Variants in DAB1 observed in about 807,000 individuals in gnomAD.
DAB1 encodes disabled homolog 1.
Under a neutral mutation model 64.6 loss-of-function variants are expected in DAB1, and 15 were observed. That is an observed-to-expected ratio of 0.23 (90% confidence interval 0.16 to 0.36). The LOEUF (loss-of-function observed/expected upper bound fraction) is 0.36. Ranked by LOEUF, DAB1 falls within the 10% of genes least tolerant of loss-of-function variation. DAB1 has a pLI of 1.00. For missense variants in DAB1, 596 were observed against 706.7 expected (o/e 0.84, Z 1.78); for synonymous variants, 235 against 251.9 (o/e 0.93, Z 0.64).
chr1:57,744,509 T>C (rs1648168119), intron 6 of DAB1, among the ~76,000 whole-genome samples: 1 of 151,998 alleles, frequency 6.6e-6, no homozygotes, highest in South Asian at 2.1e-4. Flanking sequence ...CCTTAATATA[T>C]CGGCAAACGA....
chr1:57,964,153 T>G (rs1392602750), intron 5 of DAB1, among the ~76,000 whole-genome samples: 1 of 152,072 alleles, frequency 6.6e-6, no homozygotes, highest in Non-Finnish European at 1.5e-5. Context: ...GTGGCTCTGA[T>G]CCCCCTAGAG....
chr1:57,529,155 A>G (rs1212950963), intron 7 of DAB1, among the ~76,000 whole-genome samples: 1 of 152,072 alleles, frequency 6.6e-6, no homozygotes, highest in Non-Finnish European at 1.5e-5. Context: ...ATAAGTAACA[A>G]TTTTATTTGA....
chr1:58,437,984 T>C (rs538177632), intron 3 of DAB1, among the ~76,000 whole-genome samples: 17 of 152,300 alleles, frequency 1.1e-4, no homozygotes, highest in African/African-American at 4.1e-4. Context: ...GAGATGCCAG[T>C]GACCATGTTC....
intron 7 of DAB1, among the ~76,000 whole-genome samples, chr1:57,581,801 C>T (rs1387927108): frequency 4.6e-5 from 7 of 151,578 alleles, no homozygotes; most frequent in South Asian, 2.1e-4. Flanking sequence ...ACACATGGCT[C>T]ATTTAGGAAG....
At chr1:57,797,790 T>C (rs1208216814) in intron 6 of DAB1, among the ~76,000 whole-genome samples, 1 of 152,224 alleles carries the variant, frequency 6.6e-6, no homozygotes, top group Non-Finnish European at 1.5e-5. Flanking sequence ...CTCATCTGAA[T>C]TGGGAATAAG....
intron 2 of DAB1, among the ~76,000 whole-genome samples, chr1:57,206,423 G>A (rs949747315): frequency 3.9e-5 from 6 of 152,142 alleles, no homozygotes; most frequent in Admixed American, 1.3e-4. Context: ...TTGTAATATG[G>A]AAACAGTCTA....
chr1:58,543,424 A>T (rs181655497), intron 1 of DAB1, among the ~76,000 whole-genome samples: 102 of 152,298 alleles, frequency 6.7e-4, no homozygotes, highest in African/African-American at 2.4e-3. Context: ...ATCTCAGCCC[A>T]CATTAAATCA....
At chr1:58,529,062 G>A (rs1362792198) in intron 1 of DAB1, among the ~76,000 whole-genome samples, 1 of 152,104 alleles carries the variant, frequency 6.6e-6, no homozygotes, top group African/African-American at 2.4e-5. Context: ...TTCCTGGCGG[G>A]TCAGTGACAG....
chr1:57,065,494 T>C (rs1327315825), intron 8 of DAB1, among the ~76,000 whole-genome samples: 1 of 152,206 alleles, frequency 6.6e-6, no homozygotes. Context: ...ATTGTAACTG[T>C]TCCAGGGTCT....
chr1:58,160,175 GT>G (rs1291129551), intron 4 of DAB1, among the ~76,000 whole-genome samples: 7 of 152,148 alleles, frequency 4.6e-5, no homozygotes, highest in Non-Finnish European at 1.0e-4. Context: ...GGCAGGTGCA[GT>G]TGCAGGTAGG....
intron 6 of DAB1, among the ~76,000 whole-genome samples, chr1:57,782,984 TCCC>T (rs1650170932): frequency 3.3e-5 from 3 of 91,364 alleles, no homozygotes; most frequent in African/African-American, 1.3e-4. Context: ...CCTCCCTCCC[TCCC>T]TCCCTCCCTC....
At chr1:57,593,665 C>G (rs769139816) in intron 7 of DAB1, among the ~76,000 whole-genome samples, 1 of 152,108 alleles carries the variant, frequency 6.6e-6, no homozygotes, top group Non-Finnish European at 1.5e-5. Flanking sequence ...TATTTTTTGG[C>G]ACACAGGGAA....
chr1:57,247,691 C>T (rs776960167), intron 2 of DAB1, among the ~76,000 whole-genome samples: 2 of 152,168 alleles, frequency 1.3e-5, no homozygotes, highest in African/African-American at 2.4e-5. Context: ...TCTAGGCTTC[C>T]TTGTTGTTAG....
chr1:58,496,682 C>CT (rs1645808573), intron 3 of DAB1, among the ~76,000 whole-genome samples: 1 of 152,132 alleles, frequency 6.6e-6, no homozygotes, highest in Non-Finnish European at 1.5e-5. Context: ...CCTTTCAACT[C>CT]TGTTTTTCCA....
chr1:57,584,033 A>G (rs891134500), intron 7 of DAB1, among the ~76,000 whole-genome samples: 93 of 152,322 alleles, frequency 6.1e-4, no homozygotes, highest in African/African-American at 2.1e-3. Context: ...ACCTAGCTTA[A>G]TAGGTAGAGA....
intron 3 of DAB1, among the ~76,000 whole-genome samples, chr1:58,404,860 C>G (rs1644602085): frequency 6.6e-6 from 1 of 152,144 alleles, no homozygotes; most frequent in Non-Finnish European, 1.5e-5. Flanking sequence ...CATCCACTCT[C>G]CTTCCTTCTT....
intron 2 of DAB1, among the ~76,000 whole-genome samples, chr1:57,287,778 TTTTATTTATTTA>T (rs10647426): frequency 0.04 from 5,739 of 144,130 alleles, 160 homozygotes; most frequent in Non-Finnish European, 0.06. Flanking sequence ...TTTCTCTCTC[TTTTATTTATTTA>T]TTTATTTATT....
chr1:57,718,847 T>C (rs746869632), intron 6 of DAB1, among the ~76,000 whole-genome samples: 8 of 152,124 alleles, frequency 5.3e-5, no homozygotes, highest in African/African-American at 7.2e-5. Context: ...CTTGAGATGA[T>C]GTGTTTCATC....
intron 9 of DAB1, chr1:57,033,289 C>G: frequency 7.7e-7 from 1 of 1,297,438 alleles, no homozygotes; most frequent in Non-Finnish European, 1.1e-6. Context: ...CAGAGCAGGG[C>G]AGGAAATCTG....
Sources: gnomAD v4.1 joint callset for allele counts (sites outside exome capture counted in the v4.1 genomes callset) on GRCh38, gnomAD v4.1.1 for gene constraint, MANE v1.5 for transcripts, NCBI Gene and HGNC (gene_info 2026-07-23, HGNC 2026-07-21) for gene names.